The following WWP2 variants were observed in gnomAD, a reference collection of about 807,000 sequenced individuals.
WWP2 encodes the protein NEDD4-like E3 ubiquitin-protein ligase WWP2.
WWP2 carries 57 observed loss-of-function variants against 121.0 expected under a neutral mutation model. The ratio of observed to expected loss-of-function variants is 0.47; its 90% CI spans 0.38 to 0.59. WWP2 has a LOEUF of 0.59. WWP2 is among the 20% of genes least tolerant of loss of function. The pLI is 0.00. For missense variants in WWP2, 962 were observed against 1,158.9 expected (o/e 0.83, Z 2.47); for synonymous variants, 449 against 441.3 (o/e 1.02, Z -0.22).
At chr16:69,793,243 C>T (rs1246756449) in intron 2 of WWP2, among the ~76,000 whole-genome samples, 2 of 152,074 alleles carry the variant, frequency 1.3e-5, no homozygotes, top group African/African-American at 2.4e-5. Context: ...ATCCCAGATA[C>T]TTGGGAGGCT....
At chr16:69,846,614 G>C (rs1346952206) in intron 6 of WWP2, among the ~76,000 whole-genome samples, 1 of 151,898 alleles carries the variant, frequency 6.6e-6, no homozygotes, top group South Asian at 2.1e-4. Context: ...CCTGCTATTC[G>C]GGAGGCTGAG....
At chr16:69,911,529 A>T (rs948669997) in intron 9 of WWP2, among the ~76,000 whole-genome samples, 2 of 152,138 alleles carry the variant, frequency 1.3e-5, no homozygotes, top group African/African-American at 4.8e-5. Context: ...TGAAGTAAAG[A>T]AGTCCAAGTG....
chr16:69,796,260 A>G (rs376665756), intron 2 of WWP2, among the ~76,000 whole-genome samples: 74 of 152,336 alleles, frequency 4.9e-4, no homozygotes, highest in African/African-American at 1.8e-3. Context: ...GTATGAGCGC[A>G]GATACTTCTC....
At position 69,939,947 on chromosome 16, in the gene WWP2, C is replaced by G; in HGVS notation, c.*7C>G. The G allele has an allele frequency of 6.2e-7, 1 of 1,610,780 alleles. No homozygotes were observed. Among genetic ancestry groups the G allele is most frequent in the South Asian group, 1.1e-5 (1 of 90,620 alleles). The stretch of plus-strand genomic sequence containing the variant: ...GGGCTTTGGACAGGAGTAACCGAGG[C>G]CGCCCCTCCCACGCCCCCCAGCGCA... On this transcript the variant is annotated 3_prime_UTR_variant, in exon 24 of 24. Transcript: ENST00000359154.
chr16:69,834,988 G>A (rs955976536), intron 4 of WWP2, among the ~76,000 whole-genome samples: 4 of 152,152 alleles, frequency 2.6e-5, no homozygotes, highest in African/African-American at 9.7e-5. Context: ...AGAATAGTAG[G>A]TGCTCAAGGC....
chr16:69,860,427 G>T (rs867121822), intron 6 of WWP2, among the ~76,000 whole-genome samples: 1 of 152,306 alleles, frequency 6.6e-6, no homozygotes. Context: ...GTGACACATA[G>T]CAGTGCCATA....
chr16:69,879,336 A>G (rs1378853235), intron 7 of WWP2, among the ~76,000 whole-genome samples: 1 of 152,112 alleles, frequency 6.6e-6, no homozygotes, highest in Non-Finnish European at 1.5e-5. Flanking sequence ...CTTTTTCATC[A>G]TCCCAAACGG....
chr16:69,922,454 A>G (rs527439682), intron 10 of WWP2, among the ~76,000 whole-genome samples: 2 of 152,318 alleles, frequency 1.3e-5, no homozygotes, highest in South Asian at 2.1e-4. Context: ...CTCCCAACCC[A>G]GGGACCATTA....
intron 6 of WWP2, among the ~76,000 whole-genome samples, chr16:69,845,972 C>T (rs2057067368): frequency 7.3e-6 from 1 of 136,214 alleles, no homozygotes; most frequent in African/African-American, 2.8e-5. Context: ...ATTGCCTGAA[C>T]CTGGGAGGCG....
At chr16:69,916,809 A>C (rs1380340394) in intron 9 of WWP2, among the ~76,000 whole-genome samples, 1 of 152,110 alleles carries the variant, frequency 6.6e-6, no homozygotes, top group Non-Finnish European at 1.5e-5. Flanking sequence ...CTGGGAACTG[A>C]CTGTGGGTCC....
chr16:69,937,538 C>T lies in WWP2; in HGVS notation c.2239-10C>T, dbSNP rs868674107. On this transcript the variant is annotated splice_polypyrimidine_tract_variant and intron_variant, in intron 20 of 23. Transcript: ENST00000359154. The surrounding 1 kb of genome is among the most constrained non-coding windows in gnomAD (Gnocchi z 6.6). ...ACCTGCCGGGGATGCTGACTGCCGC[C>T]TCTCCCCAGCTGATGCTGTGCGGCA... 9 of 1,613,848 alleles carry T rather than the reference C, an allele frequency of 5.6e-6. No individual in the cohort carries two copies. The Middle Eastern group carries it at 8.3e-4, about 148-fold the overall frequency.
At chr16:69,812,107 A>G (rs567243701) in intron 4 of WWP2, among the ~76,000 whole-genome samples, 16 of 147,586 alleles carry the variant, frequency 1.1e-4, no homozygotes, top group African/African-American at 3.5e-4. Flanking sequence ...TCAGTTCCTT[A>G]GGGTATTTAT....
At chr16:69,827,775 G>A in intron 4 of WWP2, 1 of 419,280 alleles carries the variant, frequency 2.4e-6, no homozygotes, top group Non-Finnish European at 4.8e-6. Context: ...TAATGGTGTG[G>A]CAGGGACTCT....
chr16:69,866,645 T>C (rs888180415), intron 6 of WWP2, among the ~76,000 whole-genome samples: 2 of 152,066 alleles, frequency 1.3e-5, no homozygotes. Flanking sequence ...AAAATTTCCT[T>C]CCTTTTTAAG....
chr16:69,853,543 A>G (rs2057256794), intron 6 of WWP2, among the ~76,000 whole-genome samples: 1 of 152,142 alleles, frequency 6.6e-6, no homozygotes, highest in African/African-American at 2.4e-5. Context: ...AGGGTCTGGA[A>G]GTCTTCTAGG....
chr16:69,795,052 G>C (rs916377941), intron 2 of WWP2, among the ~76,000 whole-genome samples: 12 of 152,040 alleles, frequency 7.9e-5, no homozygotes, highest in Non-Finnish European at 1.6e-4. Flanking sequence ...TGGCCAATGG[G>C]GTGAAATCCC....
At chr16:69,931,038 T>A (rs2058702743) in intron 13 of WWP2, 114 bp from the exon 14 acceptor site, 1 of 975,894 alleles carries the variant, frequency 1.0e-6, no homozygotes, top group Non-Finnish European at 1.6e-6. Flanking sequence ...TTCCTCACCT[T>A]ACATTACTAA....
chr16:69,891,427 A>G (rs185088509), intron 8 of WWP2, among the ~76,000 whole-genome samples: 1 of 152,304 alleles, frequency 6.6e-6, no homozygotes, highest in East Asian at 1.9e-4. Flanking sequence ...GAATGCCTTT[A>G]TCTTTTATGA....
At chr16:69,929,366 C>A in intron 11 of WWP2, 82 bp from the exon 12 acceptor site, 1 of 1,327,924 alleles carries the variant, frequency 7.5e-7, no homozygotes, top group South Asian at 1.3e-5. Context: ...AGACCCAGCA[C>A]CCAGGAGGTG....
Sources: gnomAD v4.1 joint callset for allele counts (sites outside exome capture counted in the v4.1 genomes callset) on GRCh38, gnomAD v4.1.1 for gene constraint, Gnocchi (gnomAD v3.1) non-coding constraint, MANE v1.5 for transcripts, NCBI Gene and HGNC (gene_info 2026-07-23, HGNC 2026-07-21) for gene names.